CNTN5: variants seen among roughly 807,000 people sequenced by gnomAD.
CNTN5 encodes contactin 5.
In CNTN5, 77 loss-of-function variants were observed where a neutral mutation model predicts 129.1. The observed-to-expected ratio is 0.60, with a 90% CI of 0.50 to 0.72. CNTN5 has a LOEUF of 0.72. CNTN5 is among the 30% of genes least tolerant of loss of function. The pLI, the probability that CNTN5 is intolerant of heterozygous loss-of-function variation, is 0.00. For missense variants in CNTN5, 1,478 were observed against 1,328.8 expected (o/e 1.11, Z -1.75); for synonymous variants, 509 against 465.6 (o/e 1.09, Z -1.20).
At chr11:99,567,264 T>C (rs1025254286) in intron 3 of CNTN5, among the ~76,000 whole-genome samples, 3 of 152,190 alleles carry the variant, frequency 2.0e-5, no homozygotes, top group Non-Finnish European at 4.4e-5. Context: ...CACAGTGACC[T>C]CCTTCCTAGA....
At chr11:100,119,315 T>TG (rs1331194494) in intron 13 of CNTN5, among the ~76,000 whole-genome samples, 1 of 151,920 alleles carries the variant, frequency 6.6e-6, no homozygotes, top group South Asian at 2.1e-4. Flanking sequence ...TGTTTCTCCT[T>TG]GGGGGTCCCT....
chr11:99,444,222 AAGAG>A (rs988488206), intron 2 of CNTN5, among the ~76,000 whole-genome samples: 7 of 151,648 alleles, frequency 4.6e-5, no homozygotes, highest in African/African-American at 1.7e-4. Flanking sequence ...GAGAGAGAGA[AAGAG>A]AGAGAGAGAA....
chr11:99,083,865 T>C (rs1404615740), intron 1 of CNTN5, among the ~76,000 whole-genome samples: 1 of 152,196 alleles, frequency 6.6e-6, no homozygotes, highest in Non-Finnish European at 1.5e-5. Flanking sequence ...CATCACTGTA[T>C]TCTGCAAATG....
intron 7 of CNTN5, among the ~76,000 whole-genome samples, chr11:99,954,198 A>G (rs1267348333): frequency 6.6e-6 from 1 of 152,174 alleles, no homozygotes; most frequent in African/African-American, 2.4e-5. Flanking sequence ...AATTGATCCT[A>G]AGTAGGGTTC....
intron 3 of CNTN5, among the ~76,000 whole-genome samples, chr11:99,616,295 T>C (rs778466391): frequency 1.3e-5 from 2 of 152,158 alleles, no homozygotes; most frequent in Non-Finnish European, 2.9e-5. Flanking sequence ...AGAATAATAA[T>C]AGTCTAAGCT....
At position 99,872,022 on chromosome 11, in the gene CNTN5, A is replaced by G. The variant is rs75493621; in HGVS notation, c.577+26760A>G. Among the ~76,000 whole-genome samples, 787 of 152,048 alleles carry G rather than the reference A, an allele frequency of 5.2e-3. 8 individuals carry two copies. The highest frequency in any genetic ancestry group is 0.025 in the East Asian group (129 of 5,184). Reference sequence around the variant, plus strand: ...AGAAAAATAAATGGAAACAATGGTTATGCACAGTAAAACAAAACAACTTTT... The same window carrying G: ...AGAAAAATAAATGGAAACAATGGTTGTGCACAGTAAAACAAAACAACTTTT... On this transcript the variant is annotated intron_variant, in intron 6 of 24. Transcript: ENST00000524871.
intron 6 of CNTN5, among the ~76,000 whole-genome samples, chr11:99,857,178 A>G (rs1241097085): frequency 2.0e-5 from 3 of 152,100 alleles, no homozygotes; most frequent in Admixed American, 6.5e-5. Context: ...ATTTAAAACA[A>G]TGGCTGAAGC....
chr11:99,483,654 C>T (rs1325435585), intron 2 of CNTN5, among the ~76,000 whole-genome samples: 3 of 152,028 alleles, frequency 2.0e-5, no homozygotes, highest in Non-Finnish European at 2.9e-5. Context: ...CTGATGGTCT[C>T]CTGACACTTC....
Position 100,297,932 on chromosome 11 carries a change from G to A in CNTN5, c.2385+237G>A, listed in dbSNP as rs567993040. ...TCATTTTACAAATCATGAAACTGAG[G>A]CACTGTTACATATTTTCCTAATAAA... is the stretch of plus-strand genomic sequence containing the variant. On this transcript the variant is annotated intron_variant, in intron 19 of 24. Coordinates refer to ENST00000524871, the MANE Select transcript of CNTN5 (RefSeq NM_014361.4). 3.3e-5 allele frequency among the ~76,000 whole-genome samples: 5 copies of A among 151,448 alleles called. No individual in the cohort carries two copies. The East Asian group carries it at 9.8e-4, about 30-fold the overall frequency.
intron 3 of CNTN5, among the ~76,000 whole-genome samples, chr11:99,689,646 A>G (rs1357535640): frequency 6.7e-6 from 1 of 149,690 alleles, no homozygotes; most frequent in African/African-American, 2.5e-5. Context: ...ATGGTATCTC[A>G]TTGTGGTTTT....
intron 3 of CNTN5, among the ~76,000 whole-genome samples, chr11:99,754,032 C>A (rs1418274591): frequency 6.7e-6 from 1 of 148,972 alleles, no homozygotes; most frequent in Non-Finnish European, 1.5e-5. Context: ...AAAAAAACAC[C>A]TTCTGATACA....
intron 13 of CNTN5, among the ~76,000 whole-genome samples, chr11:100,095,899 C>T (rs1340169190): frequency 6.6e-6 from 1 of 152,060 alleles, no homozygotes; most frequent in Non-Finnish European, 1.5e-5. Flanking sequence ...TATTTTGTCT[C>T]CAGTTATAAT....
At position 99,844,961 on chromosome 11, in the gene CNTN5, A is replaced by G; in HGVS notation, c.387A>G (p.Pro129=). The G allele has an allele frequency of 4.3e-6, 7 of 1,613,372 alleles. No homozygotes were observed. Among genetic ancestry groups the G allele is most frequent in the Non-Finnish European group, 5.9e-6 (7 of 1,179,694 alleles). ...VALNCEVRGN[P]VPSYRWLRNG... ...TGAATTGTGAAGTTCGTGGCAATCC[A>G]GTTCCCAGTTACAGGTAGGAATTCA... Residue 129 remains proline (P), a synonymous_variant, in exon 5 of 25, where the codon CCA becomes CCG. Coordinates refer to ENST00000524871, the MANE Select transcript of CNTN5 (RefSeq NM_014361.4).
intron 2 of CNTN5, among the ~76,000 whole-genome samples, chr11:99,451,322 A>G (rs533045419): frequency 2.0e-5 from 3 of 152,282 alleles, no homozygotes; most frequent in South Asian, 4.1e-4. Context: ...ACATTATACA[A>G]AAGTTATGAG....
chr11:100,070,138 T>G (rs975246130), intron 10 of CNTN5, among the ~76,000 whole-genome samples: 1 of 147,706 alleles, frequency 6.8e-6, no homozygotes, highest in African/African-American at 2.5e-5. Context: ...TTCAGGTGCC[T>G]TGGGGATAAC....
chr11:99,576,656 G>A (rs373363159), intron 3 of CNTN5, among the ~76,000 whole-genome samples: 1 of 152,170 alleles, frequency 6.6e-6, no homozygotes, highest in African/African-American at 2.4e-5. Flanking sequence ...ATAAACAATG[G>A]AAGTTTATTT....
chr11:100,294,156 C>A (rs1488687403), intron 18 of CNTN5, among the ~76,000 whole-genome samples: 1 of 151,454 alleles, frequency 6.6e-6, no homozygotes, highest in African/African-American at 2.4e-5. Context: ...GGGGTAAGCG[C>A]TTACTGTAAT....
chr11:99,373,464 A>G (rs369483471), intron 2 of CNTN5, among the ~76,000 whole-genome samples: 1 of 151,920 alleles, frequency 6.6e-6, no homozygotes, highest in Non-Finnish European at 1.5e-5. Flanking sequence ...CTGTAATCCC[A>G]GCACTTTGGG....
chr11:100,177,221 G>A (rs1947993300), intron 13 of CNTN5, among the ~76,000 whole-genome samples: 1 of 152,072 alleles, frequency 6.6e-6, no homozygotes, highest in Non-Finnish European at 1.5e-5. Context: ...CCAGGAAAAA[G>A]ATAAGGCTAA....
Sources: gnomAD v4.1 joint callset for allele counts (sites outside exome capture counted in the v4.1 genomes callset) on GRCh38, gnomAD v4.1.1 for gene constraint, MANE v1.5 for transcripts, NCBI Gene and HGNC (gene_info 2026-07-23, HGNC 2026-07-21) for gene names.